Variants in DOK6 observed in about 807,000 individuals in gnomAD.
DOK6 encodes downstream of tyrosine kinase 6.
A neutral mutation model predicts 44.0 loss-of-function variants in DOK6; 22 were observed. The observed-to-expected ratio is 0.50, with a 90% CI of 0.36 to 0.71. DOK6 has a LOEUF of 0.71. Ranked by LOEUF, DOK6 falls within the 30% of genes least tolerant of loss-of-function variation. The pLI is 0.00. For missense variants in DOK6, 340 were observed against 416.4 expected, an observed-to-expected ratio of 0.82 and a Z score of 1.60; for synonymous variants, 166 against 145.5, an observed-to-expected ratio of 1.14 and a Z score of -1.01.
intron 1 of DOK6, among the ~76,000 whole-genome samples, chr18:69,558,399 T>C (rs1288023395): frequency 6.6e-6 from 1 of 152,074 alleles, no homozygotes. Flanking sequence ...TTTATTTTAC[T>C]CCTATTAAAA....
chr18:69,583,082 A>G (rs930135280), intron 2 of DOK6, among the ~76,000 whole-genome samples: 12 of 152,234 alleles, frequency 7.9e-5, no homozygotes, highest in African/African-American at 2.9e-4. Flanking sequence ...ATAAGGAATG[A>G]AATAATTCTG....
intron 3 of DOK6, among the ~76,000 whole-genome samples, chr18:69,604,600 T>TA (rs553533499): frequency 7.2e-5 from 11 of 152,316 alleles, no homozygotes; most frequent in Non-Finnish European, 1.2e-4. Context: ...AGCTAGTAGT[T>TA]AAAGTGTTTG....
chr18:69,681,553 GAC>G (rs71176999), intron 4 of DOK6, among the ~76,000 whole-genome samples: 7 of 151,048 alleles, frequency 4.6e-5, no homozygotes, highest in African/African-American at 1.5e-4. Context: ...TGCATAAACA[GAC>G]ACACACACAC....
intron 7 of DOK6, among the ~76,000 whole-genome samples, chr18:69,838,789 C>T (rs1982123477): frequency 6.9e-6 from 1 of 145,402 alleles, no homozygotes; most frequent in Admixed American, 6.8e-5. Context: ...GCCTCCCCAG[C>T]TCCTCCCCCT....
At chr18:69,633,862 G>C (rs2144648621) in intron 3 of DOK6, among the ~76,000 whole-genome samples, 1 of 152,228 alleles carries the variant, frequency 6.6e-6, no homozygotes, top group Non-Finnish European at 1.5e-5. Flanking sequence ...CCTGTACTAA[G>C]TACCGAGTAA....
intron 4 of DOK6, among the ~76,000 whole-genome samples, chr18:69,682,355 A>G (rs562132482): frequency 2.0e-5 from 3 of 152,362 alleles, no homozygotes; most frequent in South Asian, 2.1e-4. Context: ...TCTCAGTAGT[A>G]CAGACCTATA....
intron 7 of DOK6, among the ~76,000 whole-genome samples, chr18:69,785,655 T>C (rs1980408105): frequency 6.6e-6 from 1 of 152,186 alleles, no homozygotes; most frequent in South Asian, 2.1e-4. Context: ...TTTTGTTCCG[T>C]TGCCAGATTT....
At chr18:69,617,472 A>ACAG (rs1376053539) in intron 3 of DOK6, among the ~76,000 whole-genome samples, 1 of 148,354 alleles carries the variant, frequency 6.7e-6, no homozygotes, top group Non-Finnish European at 1.5e-5. Flanking sequence ...AAGGAAAAAG[A>ACAG]CAGCAATAGG....
chr18:69,515,960 C>G (rs916999987), intron 1 of DOK6, among the ~76,000 whole-genome samples: 1 of 152,192 alleles, frequency 6.6e-6, no homozygotes, highest in Non-Finnish European at 1.5e-5. Context: ...TTAATTTCCA[C>G]CGATATTCAC....
At chr18:69,444,644 C>CT (rs200365790) in intron 1 of DOK6, among the ~76,000 whole-genome samples, 18,773 of 132,702 alleles carry the variant, frequency 0.14, 1,474 homozygotes, top group Middle Eastern at 0.17. Context: ...TAAAATCAAC[C>CT]TTTTTTTTTT....
intron 3 of DOK6, among the ~76,000 whole-genome samples, chr18:69,620,411 C>A (rs1984413179): frequency 6.6e-6 from 1 of 152,156 alleles, no homozygotes; most frequent in African/African-American, 2.4e-5. Context: ...TCACTCAAAG[C>A]TTGCATCCAT....
At chr18:69,654,224 CATACTT>C (rs1985305732) in intron 3 of DOK6, among the ~76,000 whole-genome samples, 1 of 152,136 alleles carries the variant, frequency 6.6e-6, no homozygotes, top group Non-Finnish European at 1.5e-5. Flanking sequence ...AAAAGTCTAA[CATACTT>C]GTAATTGGAG....
At chr18:69,463,005 C>A (rs1050776626) in intron 1 of DOK6, among the ~76,000 whole-genome samples, 2 of 152,218 alleles carry the variant, frequency 1.3e-5, no homozygotes, top group African/African-American at 4.8e-5. Context: ...TATTTAGTGA[C>A]TGTCTTAGTC....
At position 69,677,857 on chromosome 18, in the gene DOK6, G is replaced by A; in HGVS notation, c.409+4G>A. Reference sequence around the variant, plus strand: ...GGAGTGCAGCGGGAACAGAATGGTAGGTGTGAGATTGCCTTCCATCACTTC... The same window carrying A: ...GGAGTGCAGCGGGAACAGAATGGTAAGTGTGAGATTGCCTTCCATCACTTC... On this transcript the variant is annotated splice_donor_region_variant and intron_variant, in intron 4 of 7. Transcript: ENST00000382713. The A allele has an allele frequency of 1.9e-6, 3 of 1,612,504 alleles. No homozygotes were observed. Among genetic ancestry groups the A allele is most frequent in the Non-Finnish European group, 2.5e-6 (3 of 1,179,126 alleles).
intron 1 of DOK6, among the ~76,000 whole-genome samples, chr18:69,459,182 A>G (rs1979716882): frequency 1.4e-5 from 1 of 72,548 alleles, no homozygotes; most frequent in East Asian, 4.6e-4. Context: ...TCAAAAAAAA[A>G]TATTTTGTGT....
intron 1 of DOK6, among the ~76,000 whole-genome samples, chr18:69,551,928 T>TA (rs1982576153): frequency 1.3e-5 from 2 of 152,184 alleles, no homozygotes; most frequent in African/African-American, 4.8e-5. Context: ...CCATAAATAA[T>TA]AAAAAATAAT....
chr18:69,701,126 G>A (rs1292069842), intron 5 of DOK6, among the ~76,000 whole-genome samples: 2 of 152,174 alleles, frequency 1.3e-5, no homozygotes, highest in African/African-American at 4.8e-5. Context: ...AGTAGGAATG[G>A]ATATACATCG....
chr18:69,838,886 C>T (rs551054030), intron 7 of DOK6, among the ~76,000 whole-genome samples: 1 of 148,586 alleles, frequency 6.7e-6, no homozygotes, highest in East Asian at 2.1e-4. Flanking sequence ...TAGTTCATGA[C>T]TGCTTCTTTC....
chr18:69,505,491 CTTT>C (rs772908185), intron 1 of DOK6, among the ~76,000 whole-genome samples: 185 of 88,554 alleles, frequency 2.1e-3, no homozygotes, highest in African/African-American at 7.4e-3. Flanking sequence ...TACTCCCATT[CTTT>C]TTTTTTTTTT....
Sources: allele counts gnomAD v4.1 joint callset (sites outside exome capture counted in the v4.1 genomes callset), GRCh38; gene constraint gnomAD v4.1.1; transcripts MANE v1.5; gene names NCBI Gene and HGNC (gene_info 2026-07-23, HGNC 2026-07-21).